Variants in EXOC4 observed in about 807,000 individuals in gnomAD.
The protein encoded by EXOC4 is exocyst complex component 4, also known as SEC8-like 1.
A neutral mutation model predicts 107.2 loss-of-function variants in EXOC4; 71 were observed. That is an observed-to-expected ratio of 0.66 (90% CI 0.55 to 0.81). The LOEUF is 0.81. Among genes scored for constraint, EXOC4 ranks in the 30% least tolerant of loss-of-function variants. EXOC4 has a pLI of 0.00. For synonymous variants in EXOC4, 456 were observed against 441.2 expected (o/e 1.03, Z -0.42); for missense variants, 1,108 against 1,189.6 (o/e 0.93, Z 1.01).
At chr7:133,846,878 TCA>T (rs1416014358) in intron 11 of EXOC4, among the ~76,000 whole-genome samples, 22 of 152,244 alleles carry the variant, frequency 1.4e-4, no homozygotes, top group African/African-American at 5.3e-4. Flanking sequence ...ACCCATATAA[TCA>T]CAGAGTGGTC....
intron 11 of EXOC4, among the ~76,000 whole-genome samples, chr7:133,848,355 G>T (rs757951256): frequency 3.3e-5 from 5 of 152,086 alleles, no homozygotes; most frequent in Non-Finnish European, 7.4e-5. Flanking sequence ...ATTATAGCTG[G>T]TTTCCCTCCC....
chr7:133,658,797 A>C (rs936150684), intron 10 of EXOC4, among the ~76,000 whole-genome samples: 5 of 152,244 alleles, frequency 3.3e-5, no homozygotes, highest in African/African-American at 1.2e-4. Context: ...TAAGGAGTAA[A>C]GATGTGGTGT....
intron 10 of EXOC4, among the ~76,000 whole-genome samples, chr7:133,685,156 A>G (rs952233759): frequency 3.3e-5 from 5 of 152,176 alleles, no homozygotes; most frequent in Admixed American, 1.3e-4. Flanking sequence ...AGAAACAATA[A>G]GCAGTTGGTA....
intron 7 of EXOC4, among the ~76,000 whole-genome samples, chr7:133,474,354 T>C (rs149565091): frequency 3.0e-3 from 457 of 152,120 alleles, no homozygotes; most frequent in Non-Finnish European, 4.9e-3. Context: ...CTCACCCTGT[T>C]GCCCAGGCTG....
intron 7 of EXOC4, among the ~76,000 whole-genome samples, chr7:133,459,824 TATC>T (rs1236012952): frequency 2.0e-5 from 3 of 152,186 alleles, no homozygotes; most frequent in African/African-American, 7.2e-5. Flanking sequence ...TCAACAGACA[TATC>T]ATTTAAATAC....
chr7:133,652,776 T>C (rs927164723), intron 10 of EXOC4, among the ~76,000 whole-genome samples: 3 of 152,214 alleles, frequency 2.0e-5, no homozygotes, highest in Non-Finnish European at 4.4e-5. Flanking sequence ...TGTTTCTACA[T>C]TCCAAACTCT....
intron 3 of EXOC4, among the ~76,000 whole-genome samples, chr7:133,297,728 T>C (rs1037384837): frequency 4.6e-5 from 7 of 152,132 alleles, no homozygotes; most frequent in Admixed American, 3.9e-4. Flanking sequence ...CATTTCCCCA[T>C]GCCAGGTAAA....
chr7:133,855,156 A>AATATATATATTT (rs1798347010), intron 11 of EXOC4, among the ~76,000 whole-genome samples: 6 of 129,696 alleles, frequency 4.6e-5, no homozygotes, highest in Non-Finnish European at 9.3e-5. Context: ...TATATATATA[A>AATATATATATTT]ATATATATAT....
chr7:133,474,215 G>A (rs1028564950), intron 7 of EXOC4, among the ~76,000 whole-genome samples: 3 of 152,020 alleles, frequency 2.0e-5, no homozygotes, highest in African/African-American at 7.2e-5. Flanking sequence ...GCTGCCTTTT[G>A]TTTTTAGTGT....
rs544027026 is a variant in EXOC4 at position 133,967,946 on chromosome 7, A to C, written c.2207-29546A>C. Reference sequence around the variant, plus strand: ...TAGTGGGGTGTTAAAGTCTCCCACTATTATTGTGTGGGAGTCTAAGTCCCT... The same window carrying C: ...TAGTGGGGTGTTAAAGTCTCCCACTCTTATTGTGTGGGAGTCTAAGTCCCT... On this transcript the variant is annotated intron_variant, in intron 14 of 17. Transcript: ENST00000253861. Among the ~76,000 whole-genome samples, 15 of 152,232 alleles carry C rather than the reference A, an allele frequency of 9.9e-5. No homozygotes were observed. In the East Asian group the frequency reaches 2.5e-3, roughly 26 times the overall value.
chr7:133,660,869 C>G (rs1803423669), intron 10 of EXOC4, among the ~76,000 whole-genome samples: 1 of 152,106 alleles, frequency 6.6e-6, no homozygotes, highest in African/African-American at 2.4e-5. Flanking sequence ...GCTGTTTATT[C>G]ACTGATTAAG....
At chr7:133,823,875 T>TA (rs1797615086) in intron 11 of EXOC4, among the ~76,000 whole-genome samples, 1 of 12,658 alleles carries the variant, frequency 7.9e-5, no homozygotes, top group Non-Finnish European at 1.2e-4. Flanking sequence ...ATATATATTA[T>TA]ATATATATAT....
chr7:133,955,481 T>C (rs563981565), intron 14 of EXOC4, among the ~76,000 whole-genome samples: 1 of 152,330 alleles, frequency 6.6e-6, no homozygotes, highest in Non-Finnish European at 1.5e-5. Context: ...CTGGGGCTTT[T>C]CTGGGCTTCA....
intron 10 of EXOC4, among the ~76,000 whole-genome samples, chr7:133,656,099 T>A (rs1803287766): frequency 6.6e-6 from 1 of 152,116 alleles, no homozygotes; most frequent in African/African-American, 2.4e-5. Flanking sequence ...AAGCAATCCA[T>A]CCTTGACCGA....
intron 7 of EXOC4, among the ~76,000 whole-genome samples, chr7:133,408,652 T>C (rs2150742325): frequency 6.6e-6 from 1 of 152,220 alleles, no homozygotes; most frequent in South Asian, 2.1e-4. Context: ...TGATCTAATT[T>C]CACCTACACC....
At chr7:133,795,347 A>C (rs1047080377) in intron 10 of EXOC4, among the ~76,000 whole-genome samples, 1 of 152,156 alleles carries the variant, frequency 6.6e-6, no homozygotes, top group African/African-American at 2.4e-5. Context: ...CTGGGAGTTT[A>C]TTAGTCTTTG....
At chr7:133,256,340 C>T (rs73436938) in intron 1 of EXOC4, among the ~76,000 whole-genome samples, 11 of 152,246 alleles carry the variant, frequency 7.2e-5, no homozygotes, top group African/African-American at 2.6e-4. Context: ...CTATCTTTAA[C>T]GTTGTTTTCA....
At chr7:134,074,088 A>T in the EXOC4 span, among the ~76,000 whole-genome samples, 11 of 152,200 alleles carry the variant, frequency 7.2e-5, no homozygotes, top group African/African-American at 2.6e-4. Context: ...TGTGAGCTGG[A>T]TGTCGTGGAG....
At chr7:133,961,868 A>G (rs748078661) in intron 14 of EXOC4, among the ~76,000 whole-genome samples, 9 of 152,174 alleles carry the variant, frequency 5.9e-5, no homozygotes, top group Admixed American at 2.0e-4. Context: ...TAGAACACCA[A>G]CCAGGTAGGA....
Sources: allele counts gnomAD v4.1 joint callset (sites outside exome capture counted in the v4.1 genomes callset), GRCh38; gene constraint gnomAD v4.1.1; transcripts MANE v1.5; gene names NCBI Gene and HGNC (gene_info 2026-07-23, HGNC 2026-07-21).